The following CC2D2A variants were observed in gnomAD, a reference collection of about 807,000 sequenced individuals.
CC2D2A encodes the protein coiled-coil and C2 domain containing 2A, also known as coiled-coil and C2 domain-containing protein 2A.
A neutral mutation model predicts 212.9 loss-of-function variants in CC2D2A; 155 were observed. That is an observed-to-expected ratio of 0.73 (90% CI 0.64 to 0.83). The LOEUF (loss-of-function observed/expected upper bound fraction) is 0.83. CC2D2A is among the 40% of genes least tolerant of loss of function. The probability of loss-of-function intolerance (pLI) is 0.00; values close to 1 mark genes in which losing one functional copy is unlikely to be tolerated. For missense variants in CC2D2A, 1,856 were observed against 1,956.2 expected (o/e 0.95, Z 0.97); for synonymous variants, 667 against 686.5 (o/e 0.97, Z 0.44).
chr4:15,532,898 T>G (rs1717921874), intron 13 of CC2D2A, among the ~76,000 whole-genome samples: 1 of 152,240 alleles, frequency 6.6e-6, no homozygotes, highest in Non-Finnish European at 1.5e-5. Flanking sequence ...CCATGAGAAC[T>G]GCCTTTGTTT....
rs535723525 is a variant in CC2D2A, at chr4:15,522,439, G to A, written c.1150-5008G>A. ...TATTGACTCAAATGATGGATCATGC[G>A]CCCTCCTATTAGAGAATTTAAGAGT... On this transcript the variant is annotated intron_variant, in intron 11 of 36. Transcript: ENST00000424120. 1.1e-4 allele frequency among the ~76,000 whole-genome samples: 16 copies of A among 151,696 alleles called. No homozygotes were observed. The East Asian group carries it at 1.7e-3, about 17-fold the overall frequency.
chr4:15,567,689 C>A lies in CC2D2A; in HGVS notation c.3301C>A (p.Pro1101Thr). ...DYPLGQVLVR[P>T]FVEVSFQRTV... ...TCTTGATTTTAAGGTTTTAGTACGT[C>A]CCTTTGTAGAAGTCTCTTTTCAACG... The change falls in exon 26 of 37, where the codon CCC (proline) becomes ACC (threonine). Residue 1101 changes from proline (P) to threonine (T), a missense_variant. Pro to Thr is a conservative substitution (Grantham distance 38). This residue lies in a region of CC2D2A where 1,512 missense variants were observed against 1,579.3 expected (regional missense o/e 0.96). Transcript: ENST00000424120. 6.2e-7 allele frequency: 1 copy of A among 1,601,888 alleles called. No homozygotes were observed.
intron 6 of CC2D2A, among the ~76,000 whole-genome samples, chr4:15,504,474 T>C (rs1039577577): frequency 3.3e-5 from 5 of 152,210 alleles, no homozygotes; most frequent in African/African-American, 1.2e-4. Context: ...TCTGGTCATG[T>C]TGGCTAAGTG....
chr4:15,567,212 G>C (rs936439072), intron 24 of CC2D2A, among the ~76,000 whole-genome samples, 165 bp from the exon 25 acceptor site: 1 of 152,050 alleles, frequency 6.6e-6, no homozygotes, highest in Non-Finnish European at 1.5e-5. Flanking sequence ...GAGCTTGGGA[G>C]ACAGAGGTTG....
chr4:15,593,211 C>G (rs1453786691), intron 33 of CC2D2A, among the ~76,000 whole-genome samples: 3 of 152,156 alleles, frequency 2.0e-5, no homozygotes, highest in Non-Finnish European at 4.4e-5. Context: ...GATCTCAAAG[C>G]CCTATGTATG....
chr4:15,508,059 C>A (rs574264140), intron 6 of CC2D2A, among the ~76,000 whole-genome samples: 1 of 152,308 alleles, frequency 6.6e-6, no homozygotes, highest in African/African-American at 2.4e-5. Context: ...TTCAGTTCAG[C>A]ATGTCAAAGC....
Position 15,537,935 on chromosome 4 carries a change from GA to G in CC2D2A, c.1803del (p.Glu601AspfsTer17). On this transcript the variant is annotated frameshift_variant, in exon 16 of 37. Coordinates refer to ENST00000424120, the MANE Select transcript of CC2D2A (RefSeq NM_001378615.1). LOFTEE classifies it high-confidence loss of function. The stretch of plus-strand genomic sequence containing the variant: ...GAAGAAAAGGAAACAAGCAGCAGAA[GA>G]ACATCCCGGTGATGAGATTGCAGAG... ...KKKKRKQAAE[E>X]HPGDEIAEPY... 1 of 1,608,148 alleles carries G rather than the reference GA, an allele frequency of 6.2e-7. No individual in the cohort carries two copies. The highest frequency in any genetic ancestry group is 8.5e-7 in the Non-Finnish European group (1 of 1,177,288).
chr4:15,564,353 A>G (rs1719780397), intron 24 of CC2D2A: 1 of 151,532 alleles, frequency 6.6e-6, no homozygotes, highest in Non-Finnish European at 1.5e-5. Flanking sequence ...GTGTGAGCCA[A>G]TGCACCTGGC....
At position 15,504,905 on chromosome 4, in the gene CC2D2A, T is replaced by C. The variant is rs35483787; in HGVS notation, c.438+1982T>C. On this transcript the variant is annotated intron_variant, in intron 6 of 36. Transcript: ENST00000424120. ...ACTGTTCATCAAAAAATATAGCACA[T>C]GAAGAGCACAGATGCTGAACTTCAG... 5.7e-3 allele frequency among the ~76,000 whole-genome samples: 866 copies of C among 152,296 alleles called. 11 individuals carry two copies. The highest frequency in any genetic ancestry group is 8.8e-3 in the Non-Finnish European group (596 of 68,024).
In CC2D2A at chr4:15,559,149, C is replaced by A. The variant is rs779219664; in HGVS notation, c.2830-16C>A. 5 of 1,475,930 alleles carry A rather than the reference C, an allele frequency of 3.4e-6. No individual in the cohort carries two copies. In the South Asian group the frequency reaches 3.8e-5, roughly 11 times the overall value. 91.4% of individuals were successfully genotyped at this position (1,475,930 alleles called of 1,614,324 possible). ...CCAGAGAGTGCTTTAAAATCATTGC[C>A]TCTTTTTAATTTTAGGACTATGAGA... On this transcript the variant is annotated splice_polypyrimidine_tract_variant and intron_variant, in intron 21 of 36. Transcript: ENST00000424120.
chr4:15,586,230 T>TC lies in CC2D2A; in HGVS notation c.4050dup (p.Trp1351LeufsTer5). ...GTCTCATTTGGTGGTATCTGTGACC[T>TC]CTGGAGCACATCTGATGTAAGTAGT... On this transcript the variant is annotated frameshift_variant, in exon 31 of 37. Coordinates refer to ENST00000424120, the MANE Select transcript of CC2D2A (RefSeq NM_001378615.1). LOFTEE classifies it high-confidence loss of function. 6.2e-7 allele frequency: 1 copy of TC among 1,604,806 alleles called. No homozygotes were observed. Among genetic ancestry groups the TC allele is most frequent in the Non-Finnish European group, 8.5e-7 (1 of 1,174,270 alleles).
chr4:15,565,779 GTTT>G (rs1014720151), intron 24 of CC2D2A, among the ~76,000 whole-genome samples: 2 of 151,782 alleles, frequency 1.3e-5, no homozygotes, highest in African/African-American at 4.8e-5. Context: ...CAGCTAATTT[GTTT>G]TATTATTTTT....
At chr4:15,569,421 A>G in intron 27 of CC2D2A, 32 bp downstream of exon 27, 1 of 1,221,302 alleles carries the variant, frequency 8.2e-7, no homozygotes, top group East Asian at 2.5e-5. Context: ...AGACACTTGT[A>G]TTCACTTTCA....
intron 4 of CC2D2A, among the ~76,000 whole-genome samples, chr4:15,493,431 ACCATCATAC>A (rs1715433657): frequency 6.6e-6 from 1 of 151,990 alleles, no homozygotes; most frequent in South Asian, 2.1e-4. Context: ...ACAGGTGTAC[ACCATCATAC>A]CTAGCTAATT....
chr4:15,581,378 T>C (rs1407155142), intron 30 of CC2D2A, among the ~76,000 whole-genome samples: 1 of 152,162 alleles, frequency 6.6e-6, no homozygotes, highest in Admixed American at 6.5e-5. Context: ...AGTAAAGTGA[T>C]AGGGAAAATA....
chr4:15,597,537 A>G, intron 35 of CC2D2A, 72 bp downstream of exon 35: 2 of 1,168,804 alleles, frequency 1.7e-6, no homozygotes, highest in Non-Finnish European at 2.5e-6. Flanking sequence ...AACCACTGTC[A>G]GCCTGGATGA....
intron 11 of CC2D2A, chr4:15,519,419 G>C (rs1328281220): frequency 7.4e-6 from 3 of 407,390 alleles, no homozygotes; most frequent in South Asian, 3.7e-5. Flanking sequence ...ACATTTTCCT[G>C]TCTTCTTCTG....
chr4:15,593,761 CAT>C (rs1335646056), intron 33 of CC2D2A, among the ~76,000 whole-genome samples: 2 of 152,164 alleles, frequency 1.3e-5, no homozygotes, highest in African/African-American at 2.4e-5. Flanking sequence ...CGTCCAACCA[CAT>C]CTCTCCACTT....
At chr4:15,580,253 A>C (rs1452585989) in intron 30 of CC2D2A, 82 bp downstream of exon 30, 5 of 991,412 alleles carry the variant, frequency 5.0e-6, no homozygotes, top group African/African-American at 1.6e-5. Flanking sequence ...ACCATATTTC[A>C]TAGTGCTTAA....
Sources: allele counts gnomAD v4.1 joint callset (sites outside exome capture counted in the v4.1 genomes callset), GRCh38; gene constraint gnomAD v4.1.1; regional missense constraint gnomAD v4.1.1; transcripts MANE v1.5; gene names NCBI Gene and HGNC (gene_info 2026-07-23, HGNC 2026-07-21).